Variants in ZNF101 observed in about 807,000 individuals in gnomAD.
ZNF101 encodes the protein zinc finger protein 101 (Y2).
In ZNF101, 34 loss-of-function variants were observed where a neutral mutation model predicts 42.6. The observed-to-expected ratio is 0.80, with a 90% CI of 0.61 to 1.06. ZNF101 has a LOEUF of 1.06. Among genes scored for constraint, ZNF101 ranks in the 50% least tolerant of loss-of-function variants. The pLI is 0.00. For missense variants in ZNF101, 466 were observed against 530.9 expected, an observed-to-expected ratio of 0.88 and a Z score of 1.20; for synonymous variants, 158 against 183.9, an observed-to-expected ratio of 0.86 and a Z score of 1.14.
rs2062236401 is a variant in ZNF101, at chr19:19,680,840, A to T, written c.*540A>T. On this transcript the variant is annotated 3_prime_UTR_variant, in exon 4 of 4. Coordinates refer to ENST00000592502, the MANE Select transcript of ZNF101 (RefSeq NM_033204.4). ...GAGGCTGAGGCAGGAGAATTGCTTG[A>T]ACCAGGGACTTGGAGGTTGCAGTGA... 1 of 152,272 alleles carries T rather than the reference A, an allele frequency of 6.6e-6. No homozygotes were observed. The highest frequency in any genetic ancestry group is 6.6e-5 in the Admixed American group (1 of 15,264). 9.4% of individuals were successfully genotyped at this position (152,272 alleles called of 1,614,324 possible).
rs754880929 is a variant in ZNF101 at position 19,669,091 on chromosome 19, C to G, written c.3+125C>G. 15 of 1,347,742 alleles carry G rather than the reference C, an allele frequency of 1.1e-5. No homozygotes were observed. The East Asian group carries it at 3.8e-4, about 34-fold the overall frequency. 83.5% of individuals were successfully genotyped at this position (1,347,742 alleles called of 1,614,324 possible). On this transcript the variant is annotated intron_variant, in intron 1 of 3. Coordinates refer to ENST00000592502, the MANE Select transcript of ZNF101 (RefSeq NM_033204.4). Reference sequence around the variant, plus strand: ...GGACCCGAGTCCCCCAGGCGCAGCTCGACCCTTGGTCCCCTCGGTCGCCGG... The same window carrying G: ...GGACCCGAGTCCCCCAGGCGCAGCTGGACCCTTGGTCCCCTCGGTCGCCGG...
rs2062226305 is a variant in ZNF101 at position 19,679,699 on chromosome 19, C to G, written c.710C>G (p.Pro237Arg). 2 of 1,613,880 alleles carry G rather than the reference C, an allele frequency of 1.2e-6. No homozygotes were observed. The highest frequency in any genetic ancestry group is 2.2e-5 in the South Asian group (2 of 91,072). Reference protein sequence around the residue: ...CKYCGKPIDYPSLFQIHVRTH... With the variant: ...CKYCGKPIDYRSLFQIHVRTH... ...TACTGTGGAAAACCTATCGATTATC[C>G]CAGTTTATTTCAAATTCATGTTAGA... The change falls in exon 4 of 4, where the codon CCC (proline) becomes CGC (arginine). Residue 237 changes from proline to arginine, a missense_variant. Transcript: ENST00000592502.
At chr19:19,674,751 A>G (rs754044530) in intron 1 of ZNF101, among the ~76,000 whole-genome samples, 8 of 151,982 alleles carry the variant, frequency 5.3e-5, no homozygotes, top group Non-Finnish European at 1.5e-5. Context: ...TCTTTTTTAA[A>G]TTTTTGGTGG....
chr19:19,680,832 A>C lies in ZNF101; in HGVS notation c.*532A>C, dbSNP rs896960985. The C allele has an allele frequency of 1.3e-5, 2 of 152,214 alleles. No individual in the cohort carries two copies. Among genetic ancestry groups the C allele is most frequent in the Non-Finnish European group, 2.9e-5 (2 of 68,196 alleles). 9.4% of individuals were successfully genotyped at this position (152,214 alleles called of 1,614,324 possible). ...CTACTCGGGAGGCTGAGGCAGGAGA[A>C]TTGCTTGAACCAGGGACTTGGAGGT... On this transcript the variant is annotated 3_prime_UTR_variant, in exon 4 of 4. Transcript: ENST00000592502.
At chr19:19,675,390 G>A in intron 1 of ZNF101, among the ~76,000 whole-genome samples, 1 of 146,204 alleles carries the variant, frequency 6.8e-6, no homozygotes, top group African/African-American at 2.5e-5. Flanking sequence ...CACCCACCTT[G>A]GCCTCCCAAA....
intron 1 of ZNF101, among the ~76,000 whole-genome samples, chr19:19,673,497 C>T (rs936842264): frequency 1.3e-5 from 2 of 151,808 alleles, no homozygotes; most frequent in Non-Finnish European, 2.9e-5. Context: ...ATCCACCCAC[C>T]TCGGCCTCCC....
chr19:19,679,162 C>G lies in ZNF101; in HGVS notation c.192-19C>G, dbSNP rs199509604. On this transcript the variant is annotated intron_variant, in intron 3 of 3. Coordinates refer to ENST00000592502, the MANE Select transcript of ZNF101 (RefSeq NM_033204.4). ...ATTAATAAACCAAGCATTGATAATG[C>G]GTTTGTCATTTTTCATAGAAGTCTG... 1.0e-5 allele frequency: 16 copies of G among 1,605,408 alleles called. No homozygotes were observed. The East Asian group carries it at 3.6e-4, about 36-fold the overall frequency.
intron 1 of ZNF101, among the ~76,000 whole-genome samples, chr19:19,675,466 C>T (rs2062197140): frequency 6.6e-6 from 1 of 152,054 alleles, no homozygotes. Flanking sequence ...TGCCAATCTC[C>T]TGCTACTACA....
At position 19,681,158 on chromosome 19, in the gene ZNF101, A is replaced by G. The variant is rs999969070; in HGVS notation, c.*858A>G. 2 of 152,210 alleles carry G rather than the reference A, an allele frequency of 1.3e-5. No individual in the cohort carries two copies. Among genetic ancestry groups the G allele is most frequent in the Non-Finnish European group, 2.9e-5 (2 of 68,036 alleles). 9.4% of individuals were successfully genotyped at this position (152,210 alleles called of 1,614,324 possible). On this transcript the variant is annotated 3_prime_UTR_variant, in exon 4 of 4. Coordinates refer to ENST00000592502, the MANE Select transcript of ZNF101 (RefSeq NM_033204.4). The stretch of plus-strand genomic sequence containing the variant: ...TAATTCTCATTTATACAGGAGAGAA[A>G]TCCTATGAATGTAAGGAATATGGGA...
Position 19,677,914 on chromosome 19 carries a change from G to T in ZNF101, c.54G>T (p.Trp18Cys). The T allele has an allele frequency of 6.2e-7, 1 of 1,612,694 alleles. No homozygotes were observed. Reference protein sequence around the residue: ...DVAVNFTQEEWALLSPSQKNL... With the variant: ...DVAVNFTQEECALLSPSQKNL... ...CTGTGAACTTCACCCAGGAGGAGTGGGCTTTGCTGAGTCCTTCCCAGAAGA... is the reference window on the plus strand; with the variant it reads ...CTGTGAACTTCACCCAGGAGGAGTGTGCTTTGCTGAGTCCTTCCCAGAAGA... Residue 18 changes from tryptophan (W) to cysteine (C), a missense_variant, in exon 2 of 4, where the codon TGG becomes TGT. Physicochemically the swap from Trp to Cys is radical, Grantham distance 215. Transcript: ENST00000592502.
At position 19,669,036 on chromosome 19, in the gene ZNF101, G is replaced by A. The variant is rs554753069; in HGVS notation, c.3+70G>A. On this transcript the variant is annotated intron_variant, in intron 1 of 3. Transcript: ENST00000592502. Reference sequence around the variant, plus strand: ...GTCGGAACCGGCAGTGGCTGGACCTGGGCCTCCCCGCGGCGACTGTGGGGG... The same window carrying A: ...GTCGGAACCGGCAGTGGCTGGACCTAGGCCTCCCCGCGGCGACTGTGGGGG... 73 of 1,533,196 alleles carry A rather than the reference G, an allele frequency of 4.8e-5. No individual in the cohort carries two copies. The East Asian group carries it at 1.7e-3, about 36-fold the overall frequency. 95.0% of individuals were successfully genotyped at this position (1,533,196 alleles called of 1,614,324 possible).
chr19:19,680,315 A>G lies in ZNF101; in HGVS notation c.*15A>G, dbSNP rs1253406804. ...CAGGAGTTTGAGACCAGCCTGGGCA[A>G]CATAAGAAGGCCCCATATCGGCTGG... On this transcript the variant is annotated 3_prime_UTR_variant, in exon 4 of 4. Transcript: ENST00000592502. The G allele has an allele frequency of 1.4e-6, 2 of 1,399,436 alleles. No individual in the cohort carries two copies. Among genetic ancestry groups the G allele is most frequent in the African/African-American group, 2.9e-5 (2 of 68,762 alleles). The allele number at this position is 1,399,436 out of a possible 1,614,324, so 86.7% of individuals were successfully genotyped here.
chr19:19,669,604 C>T (rs1339367954), intron 1 of ZNF101, among the ~76,000 whole-genome samples: 2 of 152,190 alleles, frequency 1.3e-5, no homozygotes, highest in Non-Finnish European at 2.9e-5. Flanking sequence ...AGTGATTCTC[C>T]TGCCTCAGCC....
At chr19:19,668,989 C>A in intron 1 of ZNF101, 23 bp downstream of exon 1, 1 of 1,581,398 alleles carries the variant, frequency 6.3e-7, no homozygotes. Context: ...AGCCGGGCGT[C>A]CGGAGACCTG....
In ZNF101 at chr19:19,678,719, A is replaced by AT; in HGVS notation, c.131-3dup. ...TTCATAATAATTTCTCTGGGTCTAC[A>AT]TTTTAGGAATCCAATGGAAAGACCA... On this transcript the variant is annotated splice_region_variant and splice_polypyrimidine_tract_variant and intron_variant, in intron 2 of 3. Transcript: ENST00000592502. 6.2e-7 allele frequency: 1 copy of AT among 1,600,108 alleles called. No individual in the cohort carries two copies. Among genetic ancestry groups the AT allele is most frequent in the Non-Finnish European group, 8.5e-7 (1 of 1,174,640 alleles).
In ZNF101 at chr19:19,679,626, C is replaced by G. The variant is rs562841661; in HGVS notation, c.637C>G (p.Arg213Gly). The G allele has an allele frequency of 6.2e-7, 1 of 1,612,636 alleles. No individual in the cohort carries two copies. Among genetic ancestry groups the G allele is most frequent in the Non-Finnish European group, 8.5e-7 (1 of 1,179,244 alleles). Reference sequence around the variant, plus strand: ...AGCCTTCACAGTTTCCAGTTTCTTTCGAAAACATGGAAAAATGCATACTGG... The same window carrying G: ...AGCCTTCACAGTTTCCAGTTTCTTTGGAAAACATGGAAAAATGCATACTGG... ...VRAFTVSSFF[R>G]KHGKMHTGEK... Residue 213 changes from arginine (R) to glycine (G), a missense_variant, in exon 4 of 4, where the codon CGA (arginine) becomes GGA (glycine). Arg to Gly is a moderately radical substitution (Grantham distance 125). Coordinates refer to ENST00000592502, the MANE Select transcript of ZNF101 (RefSeq NM_033204.4).
At chr19:19,668,508 G>T (rs1478717646), upstream of ZNF101, among the ~76,000 whole-genome samples, 1 of 151,972 alleles carries the variant, frequency 6.6e-6, no homozygotes, top group East Asian at 1.9e-4. Flanking sequence ...GAGTTGTGTG[G>T]CGGTCACAAA....
In ZNF101 at chr19:19,679,561, A is replaced by G. The variant is rs758210007; in HGVS notation, c.572A>G (p.His191Arg). The change falls in exon 4 of 4, where the codon CAC becomes CGC. Residue 191 changes from histidine (H) to arginine (R), a missense_variant. By Grantham distance (29) the His-to-Arg change is conservative. Transcript: ENST00000592502. ...TTATTTCAAATCCATCAAAGAACTC[A>G]CACTGGAAAGAGGTCCTATAAATGT... ...PNLFQIHQRT[H>R]TGKRSYKCRE... 6.2e-7 allele frequency: 1 copy of G among 1,613,758 alleles called. No individual in the cohort carries two copies. Among genetic ancestry groups the G allele is most frequent in the Non-Finnish European group, 8.5e-7 (1 of 1,179,770 alleles).
rs896528163 is a variant in ZNF101 at position 19,680,456 on chromosome 19, A to G, written c.*156A>G. On this transcript the variant is annotated 3_prime_UTR_variant, in exon 4 of 4. Transcript: ENST00000592502. ...ACATGGTGAAACCCCGTCTCTACTA[A>G]AAATACAAAAAAATTAACTGGGCAT... 2 of 402,576 alleles carry G rather than the reference A, an allele frequency of 5.0e-6. No individual in the cohort carries two copies. Among genetic ancestry groups the G allele is most frequent in the Non-Finnish European group, 8.7e-6 (2 of 228,614 alleles). The allele number at this position is 402,576 out of a possible 1,614,324, so 24.9% of individuals were successfully genotyped here.
Sources: gnomAD v4.1 joint callset for allele counts (sites outside exome capture counted in the v4.1 genomes callset) on GRCh38, gnomAD v4.1.1 for gene constraint, MANE v1.5 for transcripts, NCBI Gene and HGNC (gene_info 2026-07-23, HGNC 2026-07-21) for gene names.